The following VEZT variants were observed in gnomAD, a reference collection of about 807,000 sequenced individuals.
VEZT encodes vezatin, adherens junctions transmembrane protein, also known as vezatin.
A neutral mutation model predicts 79.9 loss-of-function variants in VEZT; 39 were observed. The ratio of observed to expected loss-of-function variants is 0.49; its 90% CI spans 0.38 to 0.64. VEZT has a LOEUF of 0.64. Ranked by LOEUF, VEZT falls within the 30% of genes least tolerant of loss-of-function variation. The pLI is 0.00. For missense variants in VEZT, 837 were observed against 893.1 expected (o/e 0.94, Z 0.80); for synonymous variants, 325 against 327.6 (o/e 0.99, Z 0.09).
chr12:95,271,313 T>C (rs1187103963), intron 6 of VEZT, among the ~76,000 whole-genome samples: 1 of 152,226 alleles, frequency 6.6e-6, no homozygotes, highest in Non-Finnish European at 1.5e-5. Flanking sequence ...TCAGCCATTC[T>C]TCCAGGTGCT....
chr12:95,230,574 C>CTTTTTT (rs56104790), intron 1 of VEZT, among the ~76,000 whole-genome samples: 1 of 137,144 alleles, frequency 7.3e-6, no homozygotes, highest in Non-Finnish European at 1.6e-5. Context: ...GTTATCTCTC[C>CTTTTTT]TTTTTTTTTT....
At chr12:95,272,547 A>C (rs4762161) in intron 6 of VEZT, among the ~76,000 whole-genome samples, 43,583 of 152,120 alleles carry the variant, frequency 0.29, 7,141 homozygotes, top group African/African-American at 0.45. Context: ...AACCTTAATA[A>C]ATTTAACTAA....
chr12:95,218,284 A>T (rs1276286626), intron 1 of VEZT: 1 of 160,438 alleles, frequency 6.2e-6, no homozygotes, highest in Non-Finnish European at 1.4e-5. Context: ...TTGGGTCAGT[A>T]TCCAGAGTGC....
At chr12:95,294,112 C>T in intron 9 of VEZT, 160 bp from the exon 10 acceptor site, 1 of 549,898 alleles carries the variant, frequency 1.8e-6, no homozygotes, top group Non-Finnish European at 3.2e-6. Context: ...GTGTTGAACT[C>T]CTGGGCTCAA....
chr12:95,234,635 T>C (rs893646888), intron 1 of VEZT, among the ~76,000 whole-genome samples: 1 of 152,136 alleles, frequency 6.6e-6, no homozygotes, highest in Admixed American at 6.5e-5. Flanking sequence ...ATTAAGCTAG[T>C]TTTGAAAGTA....
chr12:95,289,089 A>AAT lies in VEZT; in HGVS notation c.1522+1233_1522+1234insTA, dbSNP rs2071837335. Among the ~76,000 whole-genome samples the AAT allele has an allele frequency of 4.0e-3, 402 of 101,724 alleles. 3 individuals carry two copies. Among genetic ancestry groups the AAT allele is most frequent in the Middle Eastern group, 0.02 (4 of 198 alleles). 66.7% of individuals were successfully genotyped at this position (101,724 alleles called of 152,430 possible). A position where few individuals can be genotyped will look rare whatever the true frequency, so the allele number is the denominator to read the frequency against. ...AGAGCGAGACTCCGTCTCAAAAAAA[A>AAT]AAATAAATAAATAAATAAATAAATA... On this transcript the variant is annotated intron_variant, in intron 9 of 11. Coordinates refer to ENST00000436874, the MANE Select transcript of VEZT (RefSeq NM_017599.4).
chr12:95,278,710 A>G (rs1205875699), intron 7 of VEZT, among the ~76,000 whole-genome samples: 2 of 152,054 alleles, frequency 1.3e-5, no homozygotes, highest in East Asian at 3.9e-4. Context: ...AAGAAAAGCA[A>G]CCTCCAAATT....
chr12:95,226,639 A>G (rs2058532535), intron 1 of VEZT, among the ~76,000 whole-genome samples: 1 of 150,716 alleles, frequency 6.6e-6, no homozygotes, highest in South Asian at 2.1e-4. Flanking sequence ...TTACTGTACT[A>G]TATTTTGGGT....
rs1472355240 is a variant in VEZT at position 95,300,448 on chromosome 12, T to C, written c.2115T>C (p.Ser705=). 6.2e-7 allele frequency: 1 copy of C among 1,613,976 alleles called. No homozygotes were observed. The highest frequency in any genetic ancestry group is 2.2e-5 in the East Asian group (1 of 44,882). The change falls in exon 12 of 12, where the codon AGT becomes AGC. Residue 705 remains serine (S), a synonymous_variant. Coordinates refer to ENST00000436874, the MANE Select transcript of VEZT (RefSeq NM_017599.4). ...AAGATGAACCACAAGCAGATGGAAG[T>C]GGTCTGACCACTGCCCCTCCAACTC... ...ESEDEPQADG[S]GLTTAPPTPR... is the part of the protein sequence containing the mutation.
intron 5 of VEZT, among the ~76,000 whole-genome samples, chr12:95,268,990 C>T (rs2066088117): frequency 6.6e-6 from 1 of 152,122 alleles, no homozygotes; most frequent in African/African-American, 2.4e-5. Flanking sequence ...TAACATAAGC[C>T]TGTCAGTCAT....
intron 1 of VEZT, among the ~76,000 whole-genome samples, chr12:95,248,537 G>A (rs1215754662): frequency 1.3e-5 from 2 of 152,146 alleles, no homozygotes; most frequent in African/African-American, 2.4e-5. Flanking sequence ...GAAAAGGAAA[G>A]GACGTTGGGG....
intron 3 of VEZT, among the ~76,000 whole-genome samples, chr12:95,261,886 G>A (rs903883323): frequency 3.3e-5 from 5 of 152,160 alleles, no homozygotes; most frequent in Non-Finnish European, 5.9e-5. Context: ...GGATGATAAG[G>A]TACATCACAG....
intron 3 of VEZT, 92 bp from the exon 4 acceptor site, chr12:95,262,814 A>T: frequency 8.5e-7 from 1 of 1,183,168 alleles, no homozygotes; most frequent in Non-Finnish European, 1.1e-6. Flanking sequence ...GAAAATAAAC[A>T]CCACCAAATT....
chr12:95,241,367 GTC>G (rs2060990984), intron 1 of VEZT, among the ~76,000 whole-genome samples: 1 of 151,908 alleles, frequency 6.6e-6, no homozygotes, highest in African/African-American at 2.4e-5. Context: ...TTTGAGACGA[GTC>G]TTGCATGGCT....
chr12:95,297,520 C>G (rs2074418537), intron 11 of VEZT, among the ~76,000 whole-genome samples: 1 of 151,938 alleles, frequency 6.6e-6, no homozygotes, highest in African/African-American at 2.4e-5. Context: ...GTAGATTATC[C>G]TTGTACATTA....
At chr12:95,270,324 A>G (rs2066352591) in intron 6 of VEZT, 136 bp downstream of exon 6, 3 of 913,136 alleles carry the variant, frequency 3.3e-6, no homozygotes, top group Non-Finnish European at 3.2e-6. Flanking sequence ...CATCAATTCT[A>G]TGTTAAAACT....
intron 7 of VEZT, among the ~76,000 whole-genome samples, chr12:95,280,283 A>G (rs916892018): frequency 6.6e-6 from 1 of 151,786 alleles, no homozygotes; most frequent in Non-Finnish European, 1.5e-5. Context: ...TTGCTGTTCC[A>G]TAGATCTACC....
chr12:95,219,474 A>G (rs986350393), intron 1 of VEZT, among the ~76,000 whole-genome samples: 1 of 152,226 alleles, frequency 6.6e-6, no homozygotes, highest in Admixed American at 6.5e-5. Context: ...AAGGTATACC[A>G]CGTAGAATTT....
intron 1 of VEZT, among the ~76,000 whole-genome samples, chr12:95,231,225 TA>T (rs2059232553): frequency 6.6e-6 from 1 of 152,194 alleles, no homozygotes; most frequent in Non-Finnish European, 1.5e-5. Flanking sequence ...AACTTTTAAA[TA>T]AACACTAATA....
Sources: gnomAD v4.1 joint callset for allele counts (sites outside exome capture counted in the v4.1 genomes callset) on GRCh38, gnomAD v4.1.1 for gene constraint, MANE v1.5 for transcripts, NCBI Gene and HGNC (gene_info 2026-07-23, HGNC 2026-07-21) for gene names.